The following LLGL2 variants were observed in gnomAD, a reference collection of about 807,000 sequenced individuals.
LLGL2 encodes LLGL scribble cell polarity complex component 2, also known as LLGL2, scribble cell polarity complex component.
A neutral mutation model predicts 123.2 loss-of-function variants in LLGL2; 81 were observed. That is an observed-to-expected ratio of 0.66 (90% CI 0.55 to 0.79). The LOEUF (loss-of-function observed/expected upper bound fraction) is 0.79, where lower values mean the gene tolerates loss of function less well. Among genes scored for constraint, LLGL2 ranks in the 30% least tolerant of loss-of-function variants. LLGL2 has a pLI of 0.00. For missense variants in LLGL2, 1,273 were observed against 1,414.6 expected (o/e 0.90, Z 1.61); for synonymous variants, 577 against 594.1 (o/e 0.97, Z 0.42).
intron 10 of LLGL2, among the ~76,000 whole-genome samples, chr17:75,567,571 G>A (rs887730538): frequency 2.0e-5 from 3 of 151,712 alleles, no homozygotes; most frequent in South Asian, 4.2e-4. Flanking sequence ...CCCGGGAGGC[G>A]GAGGTTGCAG....
At chr17:75,572,398 T>C (rs1047886045) in intron 19 of LLGL2, among the ~76,000 whole-genome samples, 1 of 151,932 alleles carries the variant, frequency 6.6e-6, no homozygotes, top group Non-Finnish European at 1.5e-5. Flanking sequence ...GCGCGGTGGC[T>C]CATGCCTGTA....
At chr17:75,532,080 T>TACACACACAC in intron 1 of LLGL2, among the ~76,000 whole-genome samples, 1 of 28,218 alleles carries the variant, frequency 3.5e-5, no homozygotes, top group Non-Finnish European at 1.3e-4. Flanking sequence ...ACACACACTT[T>TACACACACAC]TTTTTTTTTT....
intron 15 of LLGL2, 26 bp downstream of exon 15, chr17:75,570,281 G>A (rs1328011993): frequency 3.8e-6 from 6 of 1,598,442 alleles, no homozygotes; most frequent in Non-Finnish European, 5.1e-6. Context: ...TGGGTCCCGG[G>A]GCTGGGAGTG....
intron 3 of LLGL2, 132 bp downstream of exon 3, chr17:75,556,275 G>C: frequency 1.4e-6 from 1 of 735,608 alleles, no homozygotes; most frequent in Non-Finnish European, 2.2e-6. Flanking sequence ...TCCAGTTTTG[G>C]ACATGATTTT....
intron 2 of LLGL2, among the ~76,000 whole-genome samples, chr17:75,553,247 C>G (rs760573259): frequency 2.0e-5 from 3 of 152,248 alleles, no homozygotes; most frequent in Non-Finnish European, 4.4e-5. Flanking sequence ...TATCTGTCCC[C>G]CTGGCTATCC....
intron 1 of LLGL2, 65 bp from the exon 2 acceptor site, chr17:75,543,332 T>C: frequency 3.5e-6 from 4 of 1,137,742 alleles, no homozygotes; most frequent in Non-Finnish European, 3.7e-6. Flanking sequence ...TCCACCTGTT[T>C]GGGCCGGGCC....
chr17:75,573,454 G>A (rs1441134932), intron 20 of LLGL2, 27 bp from the exon 21 acceptor site: 4 of 1,594,666 alleles, frequency 2.5e-6, no homozygotes, highest in Admixed American at 3.4e-5. Flanking sequence ...GCCAGGCCAG[G>A]CCGCTAGCAT....
chr17:75,570,871 A>G (rs1343907385), intron 16 of LLGL2, 79 bp from the exon 17 acceptor site: 1 of 1,478,546 alleles, frequency 6.8e-7, no homozygotes, highest in Non-Finnish European at 9.0e-7. Context: ...CTTCCGATGC[A>G]AGGATCAGCA....
At chr17:75,574,187 G>C in intron 22 of LLGL2, 26 bp from the exon 23 acceptor site, 1 of 1,519,988 alleles carries the variant, frequency 6.6e-7, no homozygotes, top group Non-Finnish European at 8.8e-7. Context: ...CAGGCGGGGC[G>C]CCCTGACCCG....
chr17:75,568,828 G>A lies in LLGL2; in HGVS notation c.1311G>A (p.Leu437=), dbSNP rs1396367865. 6.3e-7 allele frequency: 1 copy of A among 1,589,572 alleles called. No individual in the cohort carries two copies. ...SLTPAPPQRD[L]LLTGHEDGTV... is the part of the protein sequence containing the mutation. ...CCCCAGCCCCACCCCAGAGGGACCT[G>A]CTGCTCACAGGGTAGGGTACTTTGA... Residue 437 remains leucine, a synonymous_variant, in exon 12 of 26, where the codon CTG becomes CTA. Transcript: ENST00000392550.
rs996663875 is a variant in LLGL2, at chr17:75,549,475, C to T, written c.75+5974C>T. On this transcript the variant is annotated intron_variant, in intron 2 of 25. Transcript: ENST00000392550. The surrounding 1 kb of genome is among the most constrained non-coding windows in gnomAD (Gnocchi z 4.0). ...CCCACCCTCCTCTGTCCCCTTAGGC[C>T]CTGAACAAACAGTGTGTTCCTGACC... Among the ~76,000 whole-genome samples the T allele has an allele frequency of 6.6e-6, 1 of 152,176 alleles. No homozygotes were observed. Among genetic ancestry groups the T allele is most frequent in the Admixed American group, 6.5e-5 (1 of 15,286 alleles).
chr17:75,546,910 C>T (rs952748991), intron 2 of LLGL2, among the ~76,000 whole-genome samples: 3 of 152,110 alleles, frequency 2.0e-5, no homozygotes, highest in African/African-American at 7.2e-5. Flanking sequence ...TGGAGCGGCA[C>T]GTGGGCTGTT....
At chr17:75,538,340 C>T (rs2054083535) in intron 1 of LLGL2, among the ~76,000 whole-genome samples, 1 of 152,164 alleles carries the variant, frequency 6.6e-6, no homozygotes, top group Admixed American at 6.5e-5. Flanking sequence ...ATGTCATCTG[C>T]ACAGATCTCT....
chr17:75,532,113 C>T (rs2053820005), intron 1 of LLGL2, among the ~76,000 whole-genome samples: 1 of 111,368 alleles, frequency 9.0e-6, no homozygotes, highest in Middle Eastern at 6.7e-3. Flanking sequence ...CGGAGTCTTA[C>T]TCTGTGGCCC....
rs773157593 is a variant in LLGL2, at chr17:75,564,678, C to T, written c.1036+171C>T. 6.0e-5 allele frequency: 65 copies of T among 1,083,036 alleles called. No individual in the cohort carries two copies. The highest frequency in any genetic ancestry group is 8.0e-5 in the African/African-American group (5 of 62,500). The allele number at this position is 1,083,036 out of a possible 1,614,324, so 67.1% of individuals were successfully genotyped here. The stretch of plus-strand genomic sequence containing the variant: ...AGGAGTTCAAGTCCAGCCTGGACAA[C>T]GTAGGGAGACCCTTGTCTCTACAAA... On this transcript the variant is annotated intron_variant, in intron 10 of 25. Transcript: ENST00000392550. This position sits in a 1 kb window ranked among gnomAD's most constrained non-coding sequence, Gnocchi z 4.9.
chr17:75,536,026 C>G (rs543059753), intron 1 of LLGL2, among the ~76,000 whole-genome samples: 1 of 152,230 alleles, frequency 6.6e-6, no homozygotes, highest in Non-Finnish European at 1.5e-5. Flanking sequence ...AGGCAGCAAG[C>G]CTTTTGCGGC....
At chr17:75,541,754 T>C (rs1211661323) in intron 1 of LLGL2, among the ~76,000 whole-genome samples, 3 of 137,628 alleles carry the variant, frequency 2.2e-5, no homozygotes, top group Non-Finnish European at 3.2e-5. Context: ...TTTGAGATAC[T>C]GTTTTTGCTC....
intron 1 of LLGL2, among the ~76,000 whole-genome samples, chr17:75,530,248 A>C (rs1018824800): frequency 6.6e-6 from 1 of 152,142 alleles, no homozygotes; most frequent in Non-Finnish European, 1.5e-5. Context: ...CATGCCTGTA[A>C]TCCCAGTGCT....
At chr17:75,573,443 CGCCAG>C in intron 20 of LLGL2, 33 bp from the exon 21 acceptor site, 1 of 1,590,270 alleles carries the variant, frequency 6.3e-7, no homozygotes, top group Non-Finnish European at 8.6e-7. Flanking sequence ...CCTTGGCAGC[CGCCAG>C]GCCAGGCCGC....
Sources: gnomAD v4.1 joint callset for allele counts (sites outside exome capture counted in the v4.1 genomes callset) on GRCh38, gnomAD v4.1.1 for gene constraint, Gnocchi (gnomAD v3.1) non-coding constraint, MANE v1.5 for transcripts, NCBI Gene and HGNC (gene_info 2026-07-23, HGNC 2026-07-21) for gene names.